The following TAOK3 variants were observed in gnomAD, a reference collection of about 807,000 sequenced individuals.
TAOK3 encodes serine/threonine-protein kinase TAO3.
In TAOK3, 40 loss-of-function variants were observed where a neutral mutation model predicts 120.4. The observed-to-expected ratio is 0.33, with a 90% CI of 0.26 to 0.43. The LOEUF (loss-of-function observed/expected upper bound fraction) is 0.43. TAOK3 is among the 20% of genes least tolerant of loss of function. The pLI is 1.00. For synonymous variants in TAOK3, 355 were observed against 387.5 expected, an observed-to-expected ratio of 0.92 and a Z score of 0.99; for missense variants, 821 against 1,112.1, an observed-to-expected ratio of 0.74 and a Z score of 3.72.
At chr12:118,308,791 G>A (rs183012154) in intron 1 of TAOK3, among the ~76,000 whole-genome samples, 10 of 151,924 alleles carry the variant, frequency 6.6e-5, no homozygotes, top group Admixed American at 3.3e-4. Flanking sequence ...TTAGCCAGGC[G>A]TGGTGGCACA....
At chr12:118,332,541 A>G (rs2044195471) in intron 1 of TAOK3, among the ~76,000 whole-genome samples, 2 of 152,222 alleles carry the variant, frequency 1.3e-5, no homozygotes, top group Admixed American at 1.3e-4. Context: ...CTTTTTTATT[A>G]TGAGGCTATA....
chr12:118,272,110 A>T (rs1329002023), intron 1 of TAOK3, among the ~76,000 whole-genome samples: 1 of 152,152 alleles, frequency 6.6e-6, no homozygotes, highest in Non-Finnish European at 1.5e-5. Flanking sequence ...TAATCAAGTA[A>T]ATTATTTCTC....
rs775290726 is a variant in TAOK3 at position 118,151,158 on chromosome 12, T to G, written c.2536A>C (p.Ile846Leu). 1 of 1,612,308 alleles carries G rather than the reference T, an allele frequency of 6.2e-7. No homozygotes were observed. The highest frequency in any genetic ancestry group is 8.5e-7 in the Non-Finnish European group (1 of 1,179,870). Residue 846 changes from isoleucine (I) to leucine (L), a missense_variant and splice_region_variant, in exon 21 of 21, where the codon ATT becomes CTT. This residue lies in a region of TAOK3 where 354 missense variants were observed against 572.1 expected (regional missense o/e 0.62). Coordinates refer to ENST00000392533, the MANE Select transcript of TAOK3 (RefSeq NM_016281.4). Reference sequence around the variant, plus strand: ...TGAAGGGCAGCCAGCTCCTCTTCAATCTGAAAGAAGCACGATGCAGTTCTT... The same window carrying G: ...TGAAGGGCAGCCAGCTCCTCTTCAAGCTGAAAGAAGCACGATGCAGTTCTT... Reference protein sequence around the residue: ...SLRRAHLEQKIEEELAALQKE... With the variant: ...SLRRAHLEQKLEEELAALQKE...
chr12:118,220,389 CAACA>C (rs1203230122), intron 9 of TAOK3, among the ~76,000 whole-genome samples: 2 of 151,902 alleles, frequency 1.3e-5, no homozygotes, highest in African/African-American at 4.8e-5. Flanking sequence ...TAAACTCTGT[CAACA>C]AACAAAGAAT....
At chr12:118,296,143 A>T (rs2042672072) in intron 1 of TAOK3, among the ~76,000 whole-genome samples, 1 of 152,172 alleles carries the variant, frequency 6.6e-6, no homozygotes, top group Non-Finnish European at 1.5e-5. Flanking sequence ...CAATAAAGGT[A>T]AAACGTATGT....
At position 118,334,152 on chromosome 12, in the gene TAOK3, A is replaced by G. The variant is rs867339482; in HGVS notation, c.-194+38496T>C. Reference sequence around the variant, plus strand: ...CTCCCATCTCCAAAAAAAAAAAAAAAAAAAGAAAAAAGAAATAATGATATT... The same window carrying G: ...CTCCCATCTCCAAAAAAAAAAAAAAGAAAAGAAAAAAGAAATAATGATATT... On this transcript the variant is annotated intron_variant, in intron 1 of 20. Transcript: ENST00000392533. Among the ~76,000 whole-genome samples, 970 of 150,926 alleles carry G rather than the reference A, an allele frequency of 6.4e-3. 14 individuals carry two copies. The highest frequency in any genetic ancestry group is 0.022 in the African/African-American group (907 of 41,382).
At chr12:118,195,532 T>C (rs2037670904) in intron 13 of TAOK3, among the ~76,000 whole-genome samples, 1 of 152,108 alleles carries the variant, frequency 6.6e-6, no homozygotes. Context: ...CATCTTCAAT[T>C]TAGTTCACAG....
intron 11 of TAOK3, among the ~76,000 whole-genome samples, chr12:118,207,520 G>A (rs2038389114): frequency 6.6e-6 from 1 of 151,946 alleles, no homozygotes; most frequent in Non-Finnish European, 1.5e-5. Flanking sequence ...ATTTAATTAA[G>A]GTATATTTGA....
intron 11 of TAOK3, among the ~76,000 whole-genome samples, chr12:118,204,255 G>GA (rs71069431): frequency 0.13 from 14,829 of 111,510 alleles, 1,004 homozygotes; most frequent in Middle Eastern, 0.21. Context: ...TGACAGAATG[G>GA]AAAAAAAAAA....
At chr12:118,255,679 T>C in intron 2 of TAOK3, 24 bp from the exon 3 acceptor site, 5 of 1,158,474 alleles carry the variant, frequency 4.3e-6, no homozygotes, top group South Asian at 1.7e-5. Flanking sequence ...AGGTTTGCCA[T>C]TAAATTATTT....
Position 118,213,100 on chromosome 12 carries a change from T to C in TAOK3, c.738-105A>G. On this transcript the variant is annotated intron_variant, in intron 10 of 20. Coordinates refer to ENST00000392533, the MANE Select transcript of TAOK3 (RefSeq NM_016281.4). ...GGGAAAATTTTGCATTTAAGGAGATTTTAAAAAAATGCTTTGGAATATCAG... is the reference window on the plus strand; with the variant it reads ...GGGAAAATTTTGCATTTAAGGAGATCTTAAAAAAATGCTTTGGAATATCAG... 3.2e-6 allele frequency: 2 copies of C among 617,804 alleles called. 1 individual carries two copies. Among genetic ancestry groups the C allele is most frequent in the South Asian group, 7.3e-5 (2 of 27,572 alleles). The allele number at this position is 617,804 out of a possible 1,614,324, so 38.3% of individuals were successfully genotyped here.
At chr12:118,254,566 G>A (rs1160374962) in intron 3 of TAOK3, among the ~76,000 whole-genome samples, 3 of 152,180 alleles carry the variant, frequency 2.0e-5, no homozygotes, top group Admixed American at 6.5e-5. Flanking sequence ...TGATTTAGGG[G>A]TGGAGTCTTG....
At chr12:118,174,222 T>A (rs1234967325) in intron 16 of TAOK3, among the ~76,000 whole-genome samples, 2 of 152,126 alleles carry the variant, frequency 1.3e-5, no homozygotes, top group African/African-American at 2.4e-5. Context: ...AATGAAAAAA[T>A]TTTTTTGTCA....
At chr12:118,230,690 C>T (rs910842826) in intron 9 of TAOK3, among the ~76,000 whole-genome samples, 2 of 151,868 alleles carry the variant, frequency 1.3e-5, no homozygotes, top group African/African-American at 2.4e-5. Context: ...AGGATGGTCT[C>T]GATCTCCTGA....
rs542015987 is a variant in TAOK3, at chr12:118,169,878, G to A, written c.1899+2579C>T. Among the ~76,000 whole-genome samples, 6 of 151,962 alleles carry A rather than the reference G, an allele frequency of 3.9e-5. No homozygotes were observed. In the South Asian group the frequency reaches 1.0e-3, roughly 26 times the overall value. On this transcript the variant is annotated intron_variant, in intron 17 of 20. Coordinates refer to ENST00000392533, the MANE Select transcript of TAOK3 (RefSeq NM_016281.4). ...TGGGACTACAGATGCCTGCCACTGC[G>A]CCCAGCCAATTTTTTTGAATTTTTA...
At chr12:118,329,209 T>A (rs1025907000) in intron 1 of TAOK3, among the ~76,000 whole-genome samples, 1 of 152,170 alleles carries the variant, frequency 6.6e-6, no homozygotes, top group Non-Finnish European at 1.5e-5. Flanking sequence ...AGAATATAGA[T>A]GTTTGGACCT....
intron 1 of TAOK3, among the ~76,000 whole-genome samples, chr12:118,332,086 C>G (rs1368146168): frequency 6.6e-6 from 1 of 152,160 alleles, no homozygotes; most frequent in East Asian, 1.9e-4. Flanking sequence ...TGGCCTCCCA[C>G]AGTGCTGGGA....
At chr12:118,185,879 T>C (rs1248057803) in intron 14 of TAOK3, among the ~76,000 whole-genome samples, 1 of 152,202 alleles carries the variant, frequency 6.6e-6, no homozygotes, top group Non-Finnish European at 1.5e-5. Context: ...GCAATGACCT[T>C]AGTGAGTTAA....
chr12:118,303,120 T>A (rs77541110), intron 1 of TAOK3, among the ~76,000 whole-genome samples: 8,312 of 152,260 alleles, frequency 0.055, 472 homozygotes, highest in East Asian at 0.25. Context: ...TGGCCCTATT[T>A]CAGCTTGGCC....
Sources: allele counts gnomAD v4.1 joint callset (sites outside exome capture counted in the v4.1 genomes callset), GRCh38; gene constraint gnomAD v4.1.1; regional missense constraint gnomAD v4.1.1; transcripts MANE v1.5; gene names NCBI Gene and HGNC (gene_info 2026-07-23, HGNC 2026-07-21).